Variants in FGFR1 observed in about 807,000 individuals in gnomAD.
FGFR1 encodes FGFR1/PLAG1 fusion.
FGFR1 carries 18 observed loss-of-function variants against 93.7 expected under a neutral mutation model. The observed-to-expected ratio is 0.19, with a 90% CI of 0.13 to 0.28. FGFR1 has a LOEUF of 0.28. Ranked by LOEUF, FGFR1 falls within the 10% of genes least tolerant of loss-of-function variation. The pLI, the probability that FGFR1 is intolerant of heterozygous loss-of-function variation, is 1.00. For missense variants in FGFR1, 731 were observed against 1,080.4 expected (o/e 0.68, Z 4.53); for synonymous variants, 448 against 429.3 (o/e 1.04, Z -0.54).
At chr8:38,459,711 T>C in intron 1 of FGFR1, among the ~76,000 whole-genome samples, 1 of 152,160 alleles carries the variant, frequency 6.6e-6, no homozygotes, top group East Asian at 1.9e-4. Flanking sequence ...AGCTAGCATG[T>C]AATAGTGCCT....
intron 2 of FGFR1, among the ~76,000 whole-genome samples, chr8:38,443,417 C>T (rs1384471342): frequency 7.4e-5 from 11 of 149,546 alleles, no homozygotes; most frequent in African/African-American, 1.5e-4. Context: ...TCCAATACTT[C>T]GGGAGGCTGA....
chr8:38,416,924 T>A (rs1193922678), intron 12 of FGFR1, among the ~76,000 whole-genome samples: 1 of 152,164 alleles, frequency 6.6e-6, no homozygotes, highest in Non-Finnish European at 1.5e-5. Context: ...GGCTAACTTT[T>A]GTATTTTTTA....
intron 12 of FGFR1, 59 bp downstream of exon 12, chr8:38,417,247 T>C: frequency 7.4e-7 from 1 of 1,352,954 alleles, no homozygotes; most frequent in Non-Finnish European, 1.1e-6. Flanking sequence ...TTGGGACTGA[T>C]ACCCCAGCTC....
intron 2 of FGFR1, among the ~76,000 whole-genome samples, chr8:38,446,993 T>C (rs1308834790): frequency 1.3e-5 from 2 of 152,012 alleles, no homozygotes; most frequent in African/African-American, 4.8e-5. Context: ...TTTTGTTCCA[T>C]TGATTATTCT....
intron 2 of FGFR1, among the ~76,000 whole-genome samples, chr8:38,445,149 C>T (rs1021735731): frequency 1.3e-5 from 2 of 152,176 alleles, no homozygotes; most frequent in South Asian, 2.1e-4. Context: ...CATCCCTTTC[C>T]GTGCCCATCG....
chr8:38,436,951 T>C (rs1344539757), intron 2 of FGFR1, among the ~76,000 whole-genome samples: 2 of 152,162 alleles, frequency 1.3e-5, no homozygotes, highest in Non-Finnish European at 2.9e-5. Flanking sequence ...TCTGGGATCT[T>C]GGCTCACTGC....
rs1819557462 is a variant in FGFR1, at chr8:38,423,438, C to T, written c.936+1071G>A. The T allele has an allele frequency of 1.0e-5, 4 of 395,394 alleles. No individual in the cohort carries two copies. The East Asian group carries it at 2.3e-4, about 23-fold the overall frequency. 24.5% of individuals were successfully genotyped at this position (395,394 alleles called of 1,614,324 possible). On this transcript the variant is annotated intron_variant, in intron 7 of 17. Coordinates refer to ENST00000447712, the MANE Select transcript of FGFR1 (RefSeq NM_023110.3). Reference sequence around the variant, plus strand: ...CTGGGTTCAAGCAGTTAGCTTGCCTCAGCCTCCTGAGTAGCTGGGACTACA... The same window carrying T: ...CTGGGTTCAAGCAGTTAGCTTGCCTTAGCCTCCTGAGTAGCTGGGACTACA...
At chr8:38,456,684 C>G (rs1321106462) in intron 2 of FGFR1, among the ~76,000 whole-genome samples, 4 of 152,214 alleles carry the variant, frequency 2.6e-5, no homozygotes, top group Admixed American at 2.6e-4. Context: ...CTGTCTCAGC[C>G]TCCTGAGTAG....
At chr8:38,458,374 C>T (rs1833473826) in intron 1 of FGFR1, among the ~76,000 whole-genome samples, 1 of 152,118 alleles carries the variant, frequency 6.6e-6, no homozygotes, top group African/African-American at 2.4e-5. Flanking sequence ...AATCCCATCT[C>T]TACTAAAAAT....
chr8:38,446,033 G>A (rs571059436), intron 2 of FGFR1, among the ~76,000 whole-genome samples: 56 of 152,204 alleles, frequency 3.7e-4, no homozygotes, highest in Admixed American at 3.1e-3. Context: ...GGGCTGGAGT[G>A]CTGATAAGCA....
chr8:38,423,312 GTT>G (rs58594253), intron 7 of FGFR1: 18,769 of 335,484 alleles, frequency 0.056, no homozygotes, highest in South Asian at 0.08. Flanking sequence ...TTCCCTTTTA[GTT>G]TTTTTTTTTT....
At chr8:38,441,697 C>G (rs1048207493) in intron 2 of FGFR1, among the ~76,000 whole-genome samples, 1 of 152,202 alleles carries the variant, frequency 6.6e-6, no homozygotes, top group Non-Finnish European at 1.5e-5. Flanking sequence ...CTCACAGTTC[C>G]TAGAAGTTTG....
At chr8:38,422,975 G>T in intron 7 of FGFR1, 1 of 773,080 alleles carries the variant, frequency 1.3e-6, no homozygotes, top group South Asian at 1.4e-5. Context: ...CCAGCAGCTT[G>T]GGGCCTACAT....
chr8:38,458,525 A>G (rs1346788010), intron 1 of FGFR1, among the ~76,000 whole-genome samples: 3 of 152,124 alleles, frequency 2.0e-5, no homozygotes, highest in African/African-American at 7.2e-5. Flanking sequence ...TAGGTGACAG[A>G]GTGAGACTCT....
intron 2 of FGFR1, among the ~76,000 whole-genome samples, chr8:38,441,639 G>C (rs1827518200): frequency 1.3e-5 from 2 of 152,196 alleles, no homozygotes; most frequent in Non-Finnish European, 2.9e-5. Context: ...ACTCATCCAA[G>C]AAGAGCAAAG....
intron 1 of FGFR1, chr8:38,461,327 C>A: frequency 1.7e-6 from 1 of 582,396 alleles, no homozygotes; most frequent in Admixed American, 3.0e-5. Flanking sequence ...CTGACGAATT[C>A]ATGGCCAAAT....
In FGFR1 at chr8:38,426,374, G is replaced by T. The variant is rs1245171785; in HGVS notation, c.622-129C>A. On this transcript the variant is annotated intron_variant, in intron 5 of 17. Transcript: ENST00000447712. The surrounding 1 kb of genome is among the most constrained non-coding windows in gnomAD (Gnocchi z 4.1). ...GTGGCACAGGGCCCCAGGCTGCAGG[G>T]TTGGCTAGGACAAGGCGTGGATTGC... 1.5e-6 allele frequency: 2 copies of T among 1,367,796 alleles called. No homozygotes were observed. The highest frequency in any genetic ancestry group is 1.0e-6 in the Non-Finnish European group (1 of 971,548). 84.7% of individuals were successfully genotyped at this position (1,367,796 alleles called of 1,614,324 possible).
intron 2 of FGFR1, among the ~76,000 whole-genome samples, chr8:38,456,656 T>C (rs1832918198): frequency 6.6e-6 from 1 of 152,218 alleles, no homozygotes; most frequent in Non-Finnish European, 1.5e-5. Flanking sequence ...CCTCAACTCT[T>C]AGGATCATGC....
At chr8:38,450,476 GATA>G (rs1402070107) in intron 2 of FGFR1, among the ~76,000 whole-genome samples, 2 of 152,110 alleles carry the variant, frequency 1.3e-5, no homozygotes, top group East Asian at 3.9e-4. Context: ...CGCCCTCCCG[GATA>G]ATGACTCCCC....
Sources: gnomAD v4.1 joint callset for allele counts (sites outside exome capture counted in the v4.1 genomes callset) on GRCh38, gnomAD v4.1.1 for gene constraint, Gnocchi (gnomAD v3.1) non-coding constraint, MANE v1.5 for transcripts, NCBI Gene and HGNC (gene_info 2026-07-23, HGNC 2026-07-21) for gene names.